Variants in KCNAB1 observed in about 807,000 individuals in gnomAD.
KCNAB1 encodes voltage-gated potassium channel subunit beta-1.
Under a neutral mutation model 64.6 loss-of-function variants are expected in KCNAB1, and 35 were observed. The observed-to-expected ratio is 0.54, with a 90% CI of 0.41 to 0.72. KCNAB1 has a LOEUF of 0.72. KCNAB1 is among the 30% of genes least tolerant of loss of function. KCNAB1 has a pLI of 0.00. For missense variants in KCNAB1, 401 were observed against 512.9 expected (o/e 0.78, Z 2.11); for synonymous variants, 177 against 183.8 (o/e 0.96, Z 0.30).
At chr3:156,173,918 A>G (rs1428397393) in intron 1 of KCNAB1, among the ~76,000 whole-genome samples, 1 of 152,164 alleles carries the variant, frequency 6.6e-6, no homozygotes, top group African/African-American at 2.4e-5. Context: ...CTCTTTGCCC[A>G]ATTGATTCAA....
rs190849446 is a variant in KCNAB1 at position 156,214,255 on chromosome 3, A to G, written c.275+93369A>G. Among the ~76,000 whole-genome samples, 129 of 152,256 alleles carry G rather than the reference A, an allele frequency of 8.5e-4. 1 individual carries two copies. In the South Asian group the frequency reaches 0.025, roughly 29 times the overall value. ...GAGGAGGGGGTTGTGGGAACCCCCAATTTGTACCCAACTTGGATGGAAGTG... is the reference window on the plus strand; with the variant it reads ...GAGGAGGGGGTTGTGGGAACCCCCAGTTTGTACCCAACTTGGATGGAAGTG... On this transcript the variant is annotated intron_variant, in intron 1 of 13. Coordinates refer to ENST00000490337, the MANE Select transcript of KCNAB1 (RefSeq NM_172160.3).
At chr3:156,222,114 C>T (rs116091051) in intron 1 of KCNAB1, among the ~76,000 whole-genome samples, 10 of 152,190 alleles carry the variant, frequency 6.6e-5, no homozygotes, top group South Asian at 2.1e-4. Flanking sequence ...TAAAATGCTC[C>T]GCTTAAAAGA....
intron 1 of KCNAB1, among the ~76,000 whole-genome samples, chr3:156,128,591 G>A (rs1448196447): frequency 1.3e-5 from 2 of 152,170 alleles, no homozygotes; most frequent in Admixed American, 1.3e-4. Flanking sequence ...CATAGAGCAG[G>A]TGTTCTCCTA....
intron 1 of KCNAB1, among the ~76,000 whole-genome samples, chr3:156,392,637 T>A (rs1172878921): frequency 6.6e-6 from 1 of 152,218 alleles, no homozygotes; most frequent in Non-Finnish European, 1.5e-5. Context: ...GAAATATCCT[T>A]ATCAGATTAG....
At chr3:156,164,787 A>C (rs1716273023) in intron 1 of KCNAB1, among the ~76,000 whole-genome samples, 2 of 151,808 alleles carry the variant, frequency 1.3e-5, no homozygotes, top group East Asian at 1.9e-4. Context: ...TTTTTATACC[A>C]CTCTGCTTTA....
chr3:156,229,133 A>G (rs1038375515), intron 1 of KCNAB1, among the ~76,000 whole-genome samples: 1 of 152,190 alleles, frequency 6.6e-6, no homozygotes, highest in Non-Finnish European at 1.5e-5. Flanking sequence ...TTTTCTTTCT[A>G]TGGTGTATTA....
chr3:156,308,090 G>A (rs1721631018), intron 1 of KCNAB1, among the ~76,000 whole-genome samples: 1 of 152,218 alleles, frequency 6.6e-6, no homozygotes, highest in Non-Finnish European at 1.5e-5. Flanking sequence ...GGAAAGTTGT[G>A]GAGGGTGCTA....
At chr3:156,437,558 C>G (rs1227850823) in intron 2 of KCNAB1, among the ~76,000 whole-genome samples, 1 of 152,192 alleles carries the variant, frequency 6.6e-6, no homozygotes, top group Non-Finnish European at 1.5e-5. Context: ...TTGCACCTTA[C>G]TCTAGCAGGA....
chr3:156,215,364 C>T (rs573071031), intron 1 of KCNAB1, among the ~76,000 whole-genome samples: 1 of 152,256 alleles, frequency 6.6e-6, no homozygotes, highest in South Asian at 2.1e-4. Context: ...GTATAAGAGA[C>T]GTGAGATGGA....
chr3:156,318,191 G>A (rs749635851), intron 1 of KCNAB1, among the ~76,000 whole-genome samples: 14 of 152,066 alleles, frequency 9.2e-5, no homozygotes, highest in Admixed American at 2.0e-4. Context: ...GCAGGATAGG[G>A]GGCAAAAGCC....
At chr3:156,310,406 T>C (rs1024133179) in intron 1 of KCNAB1, among the ~76,000 whole-genome samples, 1 of 152,036 alleles carries the variant, frequency 6.6e-6, no homozygotes, top group Non-Finnish European at 1.5e-5. Context: ...GGATCCCAAT[T>C]GGTCCTGCAG....
chr3:156,291,151 T>C lies in KCNAB1; in HGVS notation c.276-130465T>C, dbSNP rs192711235. ...AGCCTGGTGCAAGTGATCTTTGCCT[T>C]CCCATCGCACACAAAGGCAAAGAGC... On this transcript the variant is annotated intron_variant, in intron 1 of 13. Transcript: ENST00000490337. 1,162 of 985,518 alleles carry C rather than the reference T, an allele frequency of 1.2e-3. 2 individuals carry two copies. The highest frequency in any genetic ancestry group is 1.8e-3 in the South Asian group (38 of 21,286). The allele number at this position is 985,518 out of a possible 1,614,324, so 61.0% of individuals were successfully genotyped here.
At position 156,505,745 on chromosome 3, in the gene KCNAB1, G is replaced by C. The variant is rs753535564; in HGVS notation, c.659-8619G>C. Among the ~76,000 whole-genome samples the C allele has an allele frequency of 3.2e-4, 49 of 152,186 alleles. 1 individual carries two copies. Among genetic ancestry groups the C allele is most frequent in the Non-Finnish European group, 6.3e-4 (43 of 68,032 alleles). ...GAGCTGCAGGTTGTACCGAAAGCAT[G>C]GTGCTGGCATCTGCTTCTGGTGAGG... is the stretch of plus-strand genomic sequence containing the variant. On this transcript the variant is annotated intron_variant, in intron 8 of 13. Transcript: ENST00000490337.
upstream of KCNAB1, among the ~76,000 whole-genome samples, chr3:156,119,813 G>C (rs1713237226): frequency 6.6e-6 from 1 of 152,086 alleles, no homozygotes; most frequent in Admixed American, 6.6e-5. Flanking sequence ...TCCCAAACTA[G>C]TTTTCATGTA....
intron 1 of KCNAB1, among the ~76,000 whole-genome samples, chr3:156,332,323 AC>A (rs1368532146): frequency 6.6e-6 from 1 of 152,060 alleles, no homozygotes; most frequent in African/African-American, 2.4e-5. Flanking sequence ...CAAGGATCCC[AC>A]CCCTTCACCA....
chr3:156,129,137 A>AT (rs1713838987), intron 1 of KCNAB1, among the ~76,000 whole-genome samples: 1 of 152,008 alleles, frequency 6.6e-6, no homozygotes, highest in Admixed American at 6.5e-5. Context: ...CTGCCTATTC[A>AT]TTTTTTGTCA....
At chr3:156,299,462 C>A (rs1721011356) in intron 1 of KCNAB1, among the ~76,000 whole-genome samples, 1 of 151,692 alleles carries the variant, frequency 6.6e-6, no homozygotes, top group Non-Finnish European at 1.5e-5. Flanking sequence ...ATCACAGTGT[C>A]TAAAGCACAG....
chr3:156,344,459 G>A (rs559062370), intron 1 of KCNAB1, among the ~76,000 whole-genome samples: 1 of 152,190 alleles, frequency 6.6e-6, no homozygotes, highest in Non-Finnish European at 1.5e-5. Flanking sequence ...TTCTTGCCAT[G>A]TGTGCAACCA....
intron 1 of KCNAB1, among the ~76,000 whole-genome samples, chr3:156,137,712 A>ATTT (rs66960245): frequency 0.018 from 2,560 of 141,048 alleles, 39 homozygotes; most frequent in Non-Finnish European, 0.028. Context: ...CGTCTGGCTA[A>ATTT]TTTTTTTTTT....
Sources: gnomAD v4.1 joint callset for allele counts (sites outside exome capture counted in the v4.1 genomes callset) on GRCh38, gnomAD v4.1.1 for gene constraint, MANE v1.5 for transcripts, NCBI Gene and HGNC (gene_info 2026-07-23, HGNC 2026-07-21) for gene names.